NAV3: variants seen among roughly 807,000 people sequenced by gnomAD.
NAV3 encodes neuron navigator 3.
A neutral mutation model predicts 244.7 loss-of-function variants in NAV3; 87 were observed. The observed-to-expected ratio is 0.36, with a 90% confidence interval of 0.30 to 0.42. NAV3 has a LOEUF of 0.42. NAV3 is among the 20% of genes least tolerant of loss of function. The pLI, the probability that NAV3 is intolerant of heterozygous loss-of-function variation, is 1.00. For synonymous variants in NAV3, 1,126 were observed against 1,042.2 expected (o/e 1.08, Z -1.55); for missense variants, 2,663 against 2,893.3 (o/e 0.92, Z 1.83).
chr12:77,794,870 G>A (rs1871337310), intron 2 of NAV3, among the ~76,000 whole-genome samples: 1 of 152,200 alleles, frequency 6.6e-6, no homozygotes, highest in Non-Finnish European at 1.5e-5. Context: ...TAGATGCTGT[G>A]TGTTTCTGAC....
At chr12:77,752,815 G>A (rs1868928797) in intron 2 of NAV3, among the ~76,000 whole-genome samples, 1 of 152,022 alleles carries the variant, frequency 6.6e-6, no homozygotes, top group African/African-American at 2.4e-5. Context: ...TCTCAAAATT[G>A]AATGCACAAA....
intron 2 of NAV3, among the ~76,000 whole-genome samples, chr12:77,674,549 G>T (rs545954955): frequency 2.0e-5 from 3 of 151,846 alleles, no homozygotes; most frequent in Admixed American, 2.0e-4. Context: ...ACCACCACAC[G>T]TGGCTCATTT....
intron 2 of NAV3, among the ~76,000 whole-genome samples, chr12:77,798,189 GCAA>G (rs1007649681): frequency 2.7e-5 from 3 of 111,248 alleles, no homozygotes; most frequent in African/African-American, 1.1e-4. Flanking sequence ...CAAACAAACA[GCAA>G]CAACAACAAC....
intron 12 of NAV3, among the ~76,000 whole-genome samples, chr12:78,073,925 G>C (rs886146471): frequency 2.6e-5 from 4 of 152,192 alleles, no homozygotes; most frequent in African/African-American, 7.2e-5. Context: ...TGGTACAGTT[G>C]ATGATTTTAT....
At chr12:77,816,880 C>T (rs1252441369) in intron 2 of NAV3, among the ~76,000 whole-genome samples, 2 of 152,158 alleles carry the variant, frequency 1.3e-5, no homozygotes, top group Admixed American at 6.5e-5. Context: ...GCAGGATAAG[C>T]TTTCCAGGGA....
At chr12:78,154,146 A>G (rs1451660968) in intron 22 of NAV3, among the ~76,000 whole-genome samples, 1 of 142,060 alleles carries the variant, frequency 7.0e-6, no homozygotes, top group African/African-American at 2.6e-5. Flanking sequence ...GTGTGTATAT[A>G]TGTATATATA....
In NAV3 at chr12:78,006,449, G is replaced by A. The variant is rs199775278; in HGVS notation, c.911G>A (p.Gly304Asp). 2.5e-6 allele frequency: 4 copies of A among 1,614,002 alleles called. No homozygotes were observed. Among genetic ancestry groups the A allele is most frequent in the Non-Finnish European group, 3.4e-6 (4 of 1,179,972 alleles). Residue 304 changes from glycine (G) to aspartate (D), a missense_variant, in exon 8 of 40, where the codon GGT becomes GAT. Physicochemically the swap from Gly to Asp is moderately conservative, Grantham distance 94. Transcript: ENST00000397909. ...TCCAAAGGACCTCAATCGTCTTCAGGTGTAAATGGTAACGTGCAGCCTCCC... is the reference window on the plus strand; with the variant it reads ...TCCAAAGGACCTCAATCGTCTTCAGATGTAAATGGTAACGTGCAGCCTCCC... The part of the protein sequence containing the change: ...DSSKGPQSSS[G>D]VNGNVQPPST...
chr12:78,200,710 T>C (rs1383140137), intron 38 of NAV3, 119 bp downstream of exon 38: 5 of 480,482 alleles, frequency 1.0e-5, no homozygotes, highest in Non-Finnish European at 1.8e-5. Context: ...ATGAACTATA[T>C]GAATAGAGCA....
At chr12:77,778,287 C>T (rs1195963921) in intron 2 of NAV3, among the ~76,000 whole-genome samples, 4 of 150,164 alleles carry the variant, frequency 2.7e-5, no homozygotes, top group African/African-American at 4.9e-5. Flanking sequence ...TCTTTCCTTT[C>T]CCCTATTTTG....
At chr12:77,701,156 A>G (rs1875542431) in intron 2 of NAV3, among the ~76,000 whole-genome samples, 2 of 151,904 alleles carry the variant, frequency 1.3e-5, no homozygotes, top group African/African-American at 4.8e-5. Flanking sequence ...TCTTGATGGA[A>G]TTCACCACTG....
At chr12:78,121,442 G>T (rs1198776929) in intron 15 of NAV3, among the ~76,000 whole-genome samples, 1 of 151,844 alleles carries the variant, frequency 6.6e-6, no homozygotes, top group Non-Finnish European at 1.5e-5. Flanking sequence ...CAGACCACCA[G>T]ATACTCAACA....
At chr12:77,773,983 T>A (rs1383233523) in intron 2 of NAV3, among the ~76,000 whole-genome samples, 1 of 152,270 alleles carries the variant, frequency 6.6e-6, no homozygotes, top group East Asian at 1.9e-4. Context: ...TGCCAAAAAA[T>A]TATTTTTTTA....
intron 26 of NAV3, among the ~76,000 whole-genome samples, chr12:78,176,851 C>T (rs1471835675): frequency 6.6e-6 from 1 of 152,026 alleles, no homozygotes; most frequent in African/African-American, 2.4e-5. Flanking sequence ...AATGGAGATC[C>T]CTTCAAGGTA....
chr12:78,081,989 T>C (rs1029629167), intron 12 of NAV3, among the ~76,000 whole-genome samples: 2 of 152,202 alleles, frequency 1.3e-5, no homozygotes, highest in African/African-American at 4.8e-5. Context: ...GTTCCCATAA[T>C]TCCCACCTGT....
chr12:77,836,696 A>AT (rs1279538061), intron 1 of NAV3, among the ~76,000 whole-genome samples: 4 of 152,130 alleles, frequency 2.6e-5, no homozygotes, highest in Admixed American at 1.3e-4. Context: ...TAACAGCAAT[A>AT]TTTTTTCTGG....
chr12:77,658,902 C>T (rs1408596278), intron 2 of NAV3, among the ~76,000 whole-genome samples: 1 of 152,286 alleles, frequency 6.6e-6, no homozygotes, highest in East Asian at 1.9e-4. Flanking sequence ...AACTGGCTAT[C>T]CATATGTAGA....
chr12:78,175,174 C>T (rs1244819804), intron 24 of NAV3, 132 bp from the exon 25 acceptor site: 8 of 891,538 alleles, frequency 9.0e-6, no homozygotes. Context: ...AAAGTCAAAA[C>T]TGCATTGAAA....
At chr12:77,895,068 G>A (rs750100097) in intron 1 of NAV3, among the ~76,000 whole-genome samples, 2 of 151,954 alleles carry the variant, frequency 1.3e-5, no homozygotes, top group Non-Finnish European at 2.9e-5. Flanking sequence ...ATTCAAAAGA[G>A]ATGTGTGATG....
At chr12:77,752,756 T>C (rs887459002) in intron 2 of NAV3, among the ~76,000 whole-genome samples, 1 of 152,146 alleles carries the variant, frequency 6.6e-6, no homozygotes, top group Non-Finnish European at 1.5e-5. Context: ...GGCAAGCGAC[T>C]GAATACAGTG....
Sources: gnomAD v4.1 joint callset for allele counts (sites outside exome capture counted in the v4.1 genomes callset) on GRCh38, gnomAD v4.1.1 for gene constraint, MANE v1.5 for transcripts, NCBI Gene and HGNC (gene_info 2026-07-23, HGNC 2026-07-21) for gene names.